The following DAOA variants were observed in gnomAD, a reference collection of about 807,000 sequenced individuals.
The protein encoded by DAOA is D-amino acid oxidase activator.
DAOA carries 15 observed loss-of-function variants against 16.4 expected under a neutral mutation model. That is an observed-to-expected ratio of 0.91 (90% confidence interval 0.61 to 1.41). The LOEUF (loss-of-function observed/expected upper bound fraction) is 1.41, where lower values mean the gene tolerates loss of function less well. DAOA is among the 40% of genes most tolerant of loss of function. The pLI, the probability that DAOA is intolerant of heterozygous loss-of-function variation, is 0.00. For synonymous variants in DAOA, 75 were observed against 59.1 expected (o/e 1.27, Z -1.23); for missense variants, 230 against 176.8 (o/e 1.30, Z -1.71).
intron 3 of DAOA, among the ~76,000 whole-genome samples, chr13:105,470,744 A>C (rs1366872796): frequency 6.6e-6 from 1 of 151,660 alleles, no homozygotes; most frequent in Admixed American, 6.6e-5. Flanking sequence ...CAAGCAGCTG[A>C]GACTACAGGC....
intron 2 of DAOA, among the ~76,000 whole-genome samples, chr13:105,466,797 A>G (rs1392430444): frequency 2.0e-5 from 3 of 152,210 alleles, no homozygotes; most frequent in Non-Finnish European, 4.4e-5. Context: ...GAGAGCCAGT[A>G]AGACCTGGAG....
intron 3 of DAOA, 77 bp downstream of exon 3, chr13:105,467,218 C>A: frequency 7.2e-7 from 1 of 1,396,528 alleles, no homozygotes; most frequent in Non-Finnish European, 9.7e-7. Flanking sequence ...CTACATAATA[C>A]TTTTGACATA....
At chr13:105,479,436 T>C (rs892745352) in intron 4 of DAOA, among the ~76,000 whole-genome samples, 15 of 152,224 alleles carry the variant, frequency 9.9e-5, no homozygotes, top group African/African-American at 3.6e-4. Flanking sequence ...AGGCAATTTA[T>C]TGTCTCATAG....
At chr13:105,472,741 T>A (rs1249290567) in intron 4 of DAOA, 56 bp downstream of exon 4, 1 of 1,523,818 alleles carries the variant, frequency 6.6e-7, no homozygotes, top group Non-Finnish European at 8.9e-7. Context: ...ATGCTAATGT[T>A]GGAACTTACG....
chr13:105,488,560 T>C (rs1878295280), intron 4 of DAOA, among the ~76,000 whole-genome samples: 1 of 152,206 alleles, frequency 6.6e-6, no homozygotes, highest in Non-Finnish European at 1.5e-5. Flanking sequence ...TACAATTATT[T>C]CAAAATATTC....
chr13:105,479,189 T>C (rs76390259), intron 4 of DAOA, among the ~76,000 whole-genome samples: 5,638 of 152,322 alleles, frequency 0.037, 138 homozygotes, highest in South Asian at 0.063. Flanking sequence ...GCTTTGTTTC[T>C]GTTCGTATTG....
intron 2 of DAOA, 177 bp downstream of exon 2, chr13:105,466,509 A>T: frequency 9.9e-7 from 1 of 1,013,286 alleles, no homozygotes; most frequent in Non-Finnish European, 1.4e-6. Context: ...CTGTCAGTCA[A>T]AGGAGAACCT....
intron 3 of DAOA, among the ~76,000 whole-genome samples, chr13:105,472,228 G>T (rs1211181147): frequency 2.0e-5 from 3 of 152,128 alleles, no homozygotes; most frequent in Admixed American, 1.3e-4. Flanking sequence ...AAAGAATTAG[G>T]CACCACAGTT....
intron 4 of DAOA, among the ~76,000 whole-genome samples, chr13:105,478,398 A>G (rs1463296194): frequency 2.0e-5 from 3 of 152,166 alleles, no homozygotes; most frequent in African/African-American, 7.2e-5. Context: ...TAATTTTCCA[A>G]CTGAACAGAG....
chr13:105,483,768 T>A (rs1383453827), intron 4 of DAOA, among the ~76,000 whole-genome samples: 4 of 152,144 alleles, frequency 2.6e-5, no homozygotes, highest in African/African-American at 7.2e-5. Flanking sequence ...TTGTAAATCT[T>A]TTCTTGTGTA....
chr13:105,466,022 T>G (rs930399625), upstream of DAOA: 2 of 376,368 alleles, frequency 5.3e-6, no homozygotes, highest in Non-Finnish European at 9.3e-6. Context: ...ATTTGCTGAA[T>G]GGAAAGCCAG....
At chr13:105,483,865 G>A (rs187382528) in intron 4 of DAOA, among the ~76,000 whole-genome samples, 2 of 151,896 alleles carry the variant, frequency 1.3e-5, no homozygotes, top group East Asian at 3.9e-4. Flanking sequence ...TTTTGTTGTT[G>A]CGATTGTTTA....
intron 4 of DAOA, 54 bp downstream of exon 4, chr13:105,472,739 G>C (rs72549480): frequency 0.048 from 74,018 of 1,529,188 alleles, 1,900 homozygotes; most frequent in South Asian, 0.065. Context: ...AAATGCTAAT[G>C]TTGGAACTTA....
At chr13:105,484,813 C>G (rs750158792) in intron 4 of DAOA, among the ~76,000 whole-genome samples, 2 of 152,056 alleles carry the variant, frequency 1.3e-5, no homozygotes, top group Non-Finnish European at 2.9e-5. Flanking sequence ...TGCCTTACTA[C>G]TATGAATTCA....
At chr13:105,472,425 T>C (rs545819048) in intron 3 of DAOA, 113 bp from the exon 4 acceptor site, 47 of 1,391,192 alleles carry the variant, frequency 3.4e-5, no homozygotes, top group Non-Finnish European at 4.3e-5. Flanking sequence ...CTCTGAAAAA[T>C]TAAGTAAAAT....
intron 4 of DAOA, 179 bp from the exon 5 acceptor site, chr13:105,489,722 G>A: frequency 1.4e-6 from 2 of 1,404,894 alleles, no homozygotes; most frequent in South Asian, 1.4e-5. Context: ...TAGACCCTAA[G>A]TGACCCACAT....
chr13:105,482,216 A>G (rs1257344553), intron 4 of DAOA, among the ~76,000 whole-genome samples: 2 of 152,226 alleles, frequency 1.3e-5, no homozygotes, highest in Non-Finnish European at 2.9e-5. Flanking sequence ...GTAGGGACAC[A>G]GCCAAACCAT....
chr13:105,466,337 G>A lies in DAOA; in HGVS notation c.44+5G>A, dbSNP rs147080837. Reference sequence around the variant, plus strand: ...TGATTCTCTCCAGCTTTTCAGGTAGGTAGCTTGGGGTTTTTTACAGCATGG... The same window carrying A: ...TGATTCTCTCCAGCTTTTCAGGTAGATAGCTTGGGGTTTTTTACAGCATGG... On this transcript the variant is annotated splice_donor_5th_base_variant and intron_variant, in intron 2 of 5. Transcript: ENST00000375936. 1 of 1,614,024 alleles carries A rather than the reference G, an allele frequency of 6.2e-7. No individual in the cohort carries two copies. Among genetic ancestry groups the A allele is most frequent in the Non-Finnish European group, 8.5e-7 (1 of 1,179,946 alleles).
chr13:105,466,321 C>T lies in DAOA; in HGVS notation c.33C>T (p.Leu11=). Residue 11 remains leucine (L), a synonymous_variant, in exon 2 of 6, where the codon CTC becomes CTT. Transcript: ENST00000375936. MLEKLMGADS[L]QLFRSRYTLG... Reference sequence around the variant, plus strand: ...AAAAGCTGATGGGTGCTGATTCTCTCCAGCTTTTCAGGTAGGTAGCTTGGG... The same window carrying T: ...AAAAGCTGATGGGTGCTGATTCTCTTCAGCTTTTCAGGTAGGTAGCTTGGG... 3 of 1,614,038 alleles carry T rather than the reference C, an allele frequency of 1.9e-6. No individual in the cohort carries two copies. The highest frequency in any genetic ancestry group is 1.3e-5 in the African/African-American group (1 of 75,036).
Sources: gnomAD v4.1 joint callset for allele counts (sites outside exome capture counted in the v4.1 genomes callset) on GRCh38, gnomAD v4.1.1 for gene constraint, MANE v1.5 for transcripts, NCBI Gene and HGNC (gene_info 2026-07-23, HGNC 2026-07-21) for gene names.